The following LTBP2 variants were observed in gnomAD, a reference collection of about 807,000 sequenced individuals.
The protein encoded by LTBP2 is latent transforming growth factor beta binding protein 2, also known as latent-transforming growth factor beta-binding protein 2.
Under a neutral mutation model 210.6 loss-of-function variants are expected in LTBP2, and 103 were observed. That is an observed-to-expected ratio of 0.49 (90% CI 0.42 to 0.58). The LOEUF (loss-of-function observed/expected upper bound fraction) is 0.58. Among genes scored for constraint, LTBP2 ranks in the 20% least tolerant of loss-of-function variants. The probability of loss-of-function intolerance (pLI) is 0.00; values close to 1 mark genes in which losing one functional copy is unlikely to be tolerated. For missense variants in LTBP2, 2,313 were observed against 2,494.5 expected, an observed-to-expected ratio of 0.93 and a Z score of 1.55; for synonymous variants, 1,007 against 1,015.0, an observed-to-expected ratio of 0.99 and a Z score of 0.15.
At position 74,502,912 on chromosome 14, in the gene LTBP2, G is replaced by A. The variant is rs12586758; in HGVS notation, c.4911C>T (p.Asn1637=). 1,213 of 1,612,468 alleles carry A rather than the reference G, an allele frequency of 7.5e-4. 21 individuals are homozygous for A. The East Asian group carries it at 0.023, about 31-fold the overall frequency. Reference sequence around the variant, plus strand: ...CCCGCTCTGCCTCAATGCGAGCCACGTTGCACAGCTGAGCATAGACCTCTG... The same window carrying A: ...CCCGCTCTGCCTCAATGCGAGCCACATTGCACAGCTGAGCATAGACCTCTG... ...RSSEVYAQLC[N]VARIEAEREA... Residue 1637 remains asparagine (N), a synonymous_variant, in exon 34 of 36, where the codon AAC becomes AAT. Coordinates refer to ENST00000261978, the MANE Select transcript of LTBP2 (RefSeq NM_000428.3).
intron 3 of LTBP2, among the ~76,000 whole-genome samples, chr14:74,571,268 A>C (rs1404230560): frequency 6.6e-6 from 1 of 152,182 alleles, no homozygotes; most frequent in African/African-American, 2.4e-5. Flanking sequence ...TGGGAGACAG[A>C]GGTTGCAGTG....
chr14:74,608,487 G>T (rs1221324111), intron 1 of LTBP2, among the ~76,000 whole-genome samples: 3 of 151,608 alleles, frequency 2.0e-5, no homozygotes, highest in African/African-American at 7.3e-5. Context: ...GGTGGGTGTA[G>T]TGCTTAAGCT....
chr14:74,509,583 C>A, intron 21 of LTBP2, 151 bp downstream of exon 21: 1 of 1,248,698 alleles, frequency 8.0e-7, no homozygotes, highest in Non-Finnish European at 1.1e-6. Flanking sequence ...ACAATAGAAG[C>A]TCTTGTTGGG....
chr14:74,573,275 G>A (rs1025235183), intron 3 of LTBP2, among the ~76,000 whole-genome samples: 1 of 152,210 alleles, frequency 6.6e-6, no homozygotes, highest in Admixed American at 6.5e-5. Flanking sequence ...ATTGCAAAGT[G>A]GGAGTCATGG....
At chr14:74,550,312 C>T (rs1168605801) in intron 7 of LTBP2, among the ~76,000 whole-genome samples, 2 of 152,186 alleles carry the variant, frequency 1.3e-5, no homozygotes, top group Non-Finnish European at 2.9e-5. Flanking sequence ...TGCAGGGTCA[C>T]CCACAGAGTG....
At position 74,541,789 on chromosome 14, in the gene LTBP2, G is replaced by A. The variant is rs76764609; in HGVS notation, c.1790-5789C>T. Among the ~76,000 whole-genome samples, 690 of 152,230 alleles carry A rather than the reference G, an allele frequency of 4.5e-3. 11 individuals carry two copies. The highest frequency in any genetic ancestry group is 0.016 in the African/African-American group (650 of 41,522). On this transcript the variant is annotated intron_variant, in intron 8 of 35. Coordinates refer to ENST00000261978, the MANE Select transcript of LTBP2 (RefSeq NM_000428.3). ...AAAAAAAAAAAAGTAGGGATACTCA[G>A]AAGGAGGTCAGAAGAACTGATCAGA... is the stretch of plus-strand genomic sequence containing the variant.
chr14:74,567,246 A>C lies in LTBP2; in HGVS notation c.831-11553T>G, dbSNP rs372886585. Among the ~76,000 whole-genome samples the C allele has an allele frequency of 8.1e-4, 124 of 152,194 alleles. 3 individuals carry two copies. The South Asian group carries it at 0.025, about 31-fold the overall frequency. On this transcript the variant is annotated intron_variant, in intron 3 of 35. Coordinates refer to ENST00000261978, the MANE Select transcript of LTBP2 (RefSeq NM_000428.3). The stretch of plus-strand genomic sequence containing the variant: ...GGGTCCAGAGACTCCTAGGAGCCAC[A>C]TCTCTCCCCTCCACCCTCCAGCCCC...
intron 22 of LTBP2, 58 bp downstream of exon 22, chr14:74,509,180 C>G: frequency 6.2e-7 from 1 of 1,612,386 alleles, no homozygotes; most frequent in South Asian, 1.1e-5. Context: ...TGGGCTTCAC[C>G]ATGGCCCTGA....
intron 2 of LTBP2, among the ~76,000 whole-genome samples, chr14:74,595,789 C>T (rs542413441): frequency 6.6e-6 from 1 of 152,326 alleles, no homozygotes; most frequent in African/African-American, 2.4e-5. Flanking sequence ...GTGTTCTTCT[C>T]TAGAAAACAG....
Position 74,500,341 on chromosome 14 carries a change from A to G in LTBP2, c.*543T>C, listed in dbSNP as rs2139683636. 1 of 264,388 alleles carries G rather than the reference A, an allele frequency of 3.8e-6. No homozygotes were observed. Among genetic ancestry groups the G allele is most frequent in the Admixed American group, 4.7e-5 (1 of 21,106 alleles). The allele number at this position is 264,388 out of a possible 1,614,324, so 16.4% of individuals were successfully genotyped here. A position where few individuals can be genotyped will look rare whatever the true frequency, so the allele number is the denominator to read the frequency against. ...ATGGGCTACAGGATGGAGGTGTGGC[A>G]AAATCAGGGCCCAGAACAGATTGGC... On this transcript the variant is annotated 3_prime_UTR_variant, in exon 36 of 36. Transcript: ENST00000261978.
intron 2 of LTBP2, among the ~76,000 whole-genome samples, chr14:74,599,392 G>A (rs1352110992): frequency 1.4e-5 from 2 of 141,618 alleles, no homozygotes; most frequent in African/African-American, 5.0e-5. Flanking sequence ...AGTCTAGGGA[G>A]TATTCAAATC....
chr14:74,562,079 G>A (rs1352049657), intron 3 of LTBP2, among the ~76,000 whole-genome samples: 1 of 152,028 alleles, frequency 6.6e-6, no homozygotes, highest in African/African-American at 2.4e-5. Flanking sequence ...GCGTGTTGGT[G>A]GGCACCTGTA....
chr14:74,567,272 C>T (rs10137193), intron 3 of LTBP2, among the ~76,000 whole-genome samples: 1 of 152,212 alleles, frequency 6.6e-6, no homozygotes, highest in Non-Finnish European at 1.5e-5. Context: ...CTCCAGCCCC[C>T]TCATGTGTTG....
intron 8 of LTBP2, among the ~76,000 whole-genome samples, chr14:74,545,689 T>G (rs2087567567): frequency 6.6e-6 from 1 of 152,178 alleles, no homozygotes; most frequent in African/African-American, 2.4e-5. Context: ...AGATGAAAAC[T>G]CAAAAATGTG....
intron 8 of LTBP2, among the ~76,000 whole-genome samples, chr14:74,545,871 G>A (rs889432946): frequency 6.6e-6 from 1 of 152,220 alleles, no homozygotes; most frequent in Admixed American, 6.5e-5. Context: ...CACTCAGAGT[G>A]AAGGGAGCAG....
chr14:74,562,914 CT>C (rs1165120756), intron 3 of LTBP2, among the ~76,000 whole-genome samples: 3 of 152,212 alleles, frequency 2.0e-5, no homozygotes, highest in Non-Finnish European at 2.9e-5. Context: ...ACCTCCAAGA[CT>C]ATCCTGCAGA....
chr14:74,596,329 C>T (rs2088363403), intron 2 of LTBP2, among the ~76,000 whole-genome samples: 1 of 152,026 alleles, frequency 6.6e-6, no homozygotes, highest in Non-Finnish European at 1.5e-5. Context: ...AGTCGAGGGC[C>T]CAAGATCCAG....
At chr14:74,555,421 G>T in intron 4 of LTBP2, 82 bp downstream of exon 4, 1 of 1,395,438 alleles carries the variant, frequency 7.2e-7, no homozygotes, top group Non-Finnish European at 1.0e-6. Flanking sequence ...GCCCCTCTGT[G>T]AGAGCAGAGG....
At chr14:74,504,442 A>C (rs1176779190) in intron 30 of LTBP2, among the ~76,000 whole-genome samples, 2 of 152,204 alleles carry the variant, frequency 1.3e-5, no homozygotes, top group African/African-American at 4.8e-5. Context: ...CAGGGAGATG[A>C]GCGCAGCCTC....
Sources: allele counts gnomAD v4.1 joint callset (sites outside exome capture counted in the v4.1 genomes callset), GRCh38; gene constraint gnomAD v4.1.1; transcripts MANE v1.5; gene names NCBI Gene and HGNC (gene_info 2026-07-23, HGNC 2026-07-21).